NOX3: variants seen among roughly 807,000 people sequenced by gnomAD.
NOX3 encodes NADPH oxidase catalytic subunit-like 3.
A neutral mutation model predicts 76.7 loss-of-function variants in NOX3; 74 were observed. The observed-to-expected ratio is 0.96, with a 90% confidence interval of 0.80 to 1.17. The LOEUF (loss-of-function observed/expected upper bound fraction) is 1.17. Among genes scored for constraint, NOX3 ranks in the 50% most tolerant of loss-of-function variants. The probability of loss-of-function intolerance (pLI) is 0.00; values close to 1 mark genes in which losing one functional copy is unlikely to be tolerated. For synonymous variants in NOX3, 263 were observed against 261.1 expected (o/e 1.01, Z -0.07); for missense variants, 695 against 703.3 (o/e 0.99, Z 0.13).
chr6:155,424,767 C>A (rs573629705), intron 9 of NOX3, among the ~76,000 whole-genome samples: 99 of 152,160 alleles, frequency 6.5e-4, no homozygotes, highest in African/African-American at 2.3e-3. Context: ...TAAATAATTA[C>A]ATAAAGGAAA....
chr6:155,430,533 T>C (rs1050065230), intron 8 of NOX3, among the ~76,000 whole-genome samples: 1 of 151,978 alleles, frequency 6.6e-6, no homozygotes, highest in South Asian at 2.1e-4. Flanking sequence ...CTATGACCCA[T>C]GTAAAGTACA....
chr6:155,419,446 T>C (rs1048608024), intron 10 of NOX3, among the ~76,000 whole-genome samples: 2 of 152,212 alleles, frequency 1.3e-5, no homozygotes, highest in African/African-American at 2.4e-5. Context: ...CTGACTTTCA[T>C]GGTCCTATGC....
At chr6:155,426,624 A>G (rs1011598152) in intron 9 of NOX3, among the ~76,000 whole-genome samples, 1 of 152,152 alleles carries the variant, frequency 6.6e-6, no homozygotes, top group African/African-American at 2.4e-5. Context: ...GCAATGGCAA[A>G]GGCACTGAGG....
intron 8 of NOX3, among the ~76,000 whole-genome samples, 199 bp downstream of exon 8, chr6:155,430,644 G>T (rs999687615): frequency 6.6e-6 from 1 of 151,994 alleles, no homozygotes; most frequent in African/African-American, 2.4e-5. Flanking sequence ...TCTGTGTGCC[G>T]TCTGGAGCCC....
chr6:155,431,498 G>C (rs148968726), intron 7 of NOX3, among the ~76,000 whole-genome samples: 75 of 151,112 alleles, frequency 5.0e-4, no homozygotes, highest in African/African-American at 1.8e-3. Context: ...TTAAATTTAA[G>C]TTTATCTAAT....
chr6:155,452,220 T>A (rs1777154620), intron 4 of NOX3, among the ~76,000 whole-genome samples: 1 of 152,322 alleles, frequency 6.6e-6, no homozygotes, highest in African/African-American at 2.4e-5. Flanking sequence ...TAATTTTAGA[T>A]AATTTTCAAG....
intron 10 of NOX3, among the ~76,000 whole-genome samples, chr6:155,412,816 G>A (rs890244022): frequency 2.0e-5 from 3 of 152,128 alleles, no homozygotes; most frequent in South Asian, 4.1e-4. Context: ...AGACTCTTCT[G>A]TGCTCTGGAA....
At chr6:155,449,586 G>A (rs1197767438) in intron 4 of NOX3, among the ~76,000 whole-genome samples, 1 of 152,142 alleles carries the variant, frequency 6.6e-6, no homozygotes, top group Admixed American at 6.5e-5. Context: ...TCCTGTCACT[G>A]CATTTTCCGT....
chr6:155,412,383 TA>T (rs1776562642), intron 10 of NOX3, among the ~76,000 whole-genome samples: 2 of 152,162 alleles, frequency 1.3e-5, no homozygotes, highest in East Asian at 3.9e-4. Context: ...GAGACAAAAA[TA>T]AAAAAGTTTA....
chr6:155,429,747 C>T (rs1479778867), intron 8 of NOX3, among the ~76,000 whole-genome samples: 1 of 152,144 alleles, frequency 6.6e-6, no homozygotes, highest in African/African-American at 2.4e-5. Context: ...TCTCTCCAGG[C>T]CCTCCTGTCT....
At chr6:155,414,991 G>A (rs1446780570) in intron 10 of NOX3, among the ~76,000 whole-genome samples, 1 of 152,084 alleles carries the variant, frequency 6.6e-6, no homozygotes, top group Admixed American at 6.6e-5. Flanking sequence ...CTGTCATGGC[G>A]TTGAGGGTTT....
chr6:155,422,662 C>A (rs753295754), intron 10 of NOX3, 32 bp downstream of exon 10: 1 of 1,606,036 alleles, frequency 6.2e-7, no homozygotes, highest in Non-Finnish European at 8.5e-7. Context: ...CCTTTTAATC[C>A]ATGGAAGGGT....
chr6:155,428,360 T>C (rs231952), intron 9 of NOX3, among the ~76,000 whole-genome samples: 128,706 of 152,224 alleles, frequency 0.85, 54,512 homozygotes, highest in East Asian at 0.96. Flanking sequence ...ATATCCAATA[T>C]GACTTGGGTC....
intron 12 of NOX3, among the ~76,000 whole-genome samples, chr6:155,405,871 G>A (rs1414038125): frequency 7.2e-5 from 11 of 152,168 alleles, no homozygotes; most frequent in Admixed American, 5.2e-4. Context: ...GTGATCCCAC[G>A]TCACTCTACT....
intron 10 of NOX3, among the ~76,000 whole-genome samples, chr6:155,419,321 C>T (rs1340680789): frequency 6.6e-6 from 1 of 152,210 alleles, no homozygotes; most frequent in Non-Finnish European, 1.5e-5. Flanking sequence ...GAAAACCTCA[C>T]TTCTTCCATG....
chr6:155,418,594 C>T (rs1157432627), intron 10 of NOX3, among the ~76,000 whole-genome samples: 1 of 152,072 alleles, frequency 6.6e-6, no homozygotes, highest in African/African-American at 2.4e-5. Context: ...TCCCCGCCCC[C>T]TCCCAGATCT....
chr6:155,429,132 T>G, intron 8 of NOX3, 85 bp from the exon 9 acceptor site: 1 of 1,320,128 alleles, frequency 7.6e-7, no homozygotes, highest in Admixed American at 2.5e-5. Context: ...GTTGAAAATT[T>G]TAGATCAGCT....
chr6:155,453,940 CTGCAATAAAGCAAATAT>C (rs1777178495), intron 3 of NOX3, among the ~76,000 whole-genome samples: 3 of 152,038 alleles, frequency 2.0e-5, no homozygotes, highest in South Asian at 2.1e-4. Context: ...TTTCAGACCA[CTGCAATAAAGCAAATAT>C]TGCAATAAAG....
intron 12 of NOX3, among the ~76,000 whole-genome samples, chr6:155,399,165 C>T (rs766347237): frequency 7.9e-5 from 12 of 152,160 alleles, no homozygotes; most frequent in Non-Finnish European, 1.6e-4. Context: ...CAGAGGTGTC[C>T]TTGCATCTAT....
Sources: gnomAD v4.1 joint callset for allele counts (sites outside exome capture counted in the v4.1 genomes callset) on GRCh38, gnomAD v4.1.1 for gene constraint, MANE v1.5 for transcripts, NCBI Gene and HGNC (gene_info 2026-07-23, HGNC 2026-07-21) for gene names.